The following SLC24A2 variants were observed in gnomAD, a reference collection of about 807,000 sequenced individuals.
SLC24A2 encodes the protein sodium/potassium/calcium exchanger 2.
Under a neutral mutation model 62.0 loss-of-function variants are expected in SLC24A2, and 36 were observed. The observed-to-expected ratio is 0.58, with a 90% CI of 0.44 to 0.77. The LOEUF is 0.77. Ranked by LOEUF, SLC24A2 falls within the 30% of genes least tolerant of loss-of-function variation. The pLI, the probability that SLC24A2 is intolerant of heterozygous loss-of-function variation, is 0.00. For synonymous variants in SLC24A2, 358 were observed against 294.0 expected (o/e 1.22, Z -2.23); for missense variants, 846 against 817.9 (o/e 1.03, Z -0.42).
At chr9:20,172,242 A>G in the SLC24A2 span, among the ~76,000 whole-genome samples, 3 of 152,098 alleles carry the variant, frequency 2.0e-5, no homozygotes, top group Admixed American at 6.6e-5. Flanking sequence ...AAATGCCTAC[A>G]TCAAAAAGTC....
the SLC24A2 span, among the ~76,000 whole-genome samples, chr9:20,156,248 A>T: frequency 6.6e-6 from 1 of 151,796 alleles, no homozygotes; most frequent in Admixed American, 6.6e-5. Flanking sequence ...TATAGACTCT[A>T]AGTATTCCTA....
the SLC24A2 span, among the ~76,000 whole-genome samples, chr9:20,005,861 C>G: frequency 8.4e-6 from 1 of 119,160 alleles, no homozygotes; most frequent in East Asian, 2.0e-4. Context: ...ATTCCCTACT[C>G]CATTAAAAAA....
At chr9:19,522,870 T>C (rs914185733) in intron 9 of SLC24A2, among the ~76,000 whole-genome samples, 2 of 152,206 alleles carry the variant, frequency 1.3e-5, no homozygotes, top group African/African-American at 4.8e-5. Flanking sequence ...TTGAGCAAAA[T>C]ATTCTCAAAT....
chr9:19,531,548 C>G (rs1038563409), intron 8 of SLC24A2, among the ~76,000 whole-genome samples: 2 of 152,164 alleles, frequency 1.3e-5, no homozygotes, highest in African/African-American at 2.4e-5. Flanking sequence ...TTTGGTACAT[C>G]AGAGTGATAT....
the SLC24A2 span, among the ~76,000 whole-genome samples, chr9:19,801,158 C>G: frequency 1.3e-5 from 2 of 152,208 alleles, no homozygotes; most frequent in African/African-American, 4.8e-5. Flanking sequence ...GGTTCTTGGC[C>G]TCAGATATTC....
At chr9:20,116,317 T>G in the SLC24A2 span, among the ~76,000 whole-genome samples, 15 of 152,116 alleles carry the variant, frequency 9.9e-5, no homozygotes, top group African/African-American at 3.6e-4. Context: ...ATCTTCCTCT[T>G]CTCTGAATGC....
At chr9:19,896,002 T>A in the SLC24A2 span, 4 of 1,560,614 alleles carry the variant, frequency 2.6e-6, no homozygotes, top group Non-Finnish European at 3.5e-6. Context: ...TGCCTCAGTG[T>A]GACGGCAGGG....
At chr9:20,286,327 G>T in the SLC24A2 span, among the ~76,000 whole-genome samples, 1 of 152,206 alleles carries the variant, frequency 6.6e-6, no homozygotes, top group Non-Finnish European at 1.5e-5. Flanking sequence ...TCAGGGAGAT[G>T]ATGTGGCAGC....
the SLC24A2 span, among the ~76,000 whole-genome samples, chr9:19,854,934 T>G: frequency 6.6e-6 from 1 of 152,234 alleles, no homozygotes; most frequent in African/African-American, 2.4e-5. Flanking sequence ...TGAGTCTCTT[T>G]GCAGGTCTCT....
the SLC24A2 span, among the ~76,000 whole-genome samples, chr9:19,813,461 G>A: frequency 6.6e-6 from 1 of 151,610 alleles, no homozygotes; most frequent in African/African-American, 2.4e-5. Context: ...GGGACTACAG[G>A]CGCACACCAC....
chr9:19,694,021 C>G lies in SLC24A2; in HGVS notation c.931-71722G>C, dbSNP rs140259698. Among the ~76,000 whole-genome samples the G allele has an allele frequency of 2.3e-3, 342 of 151,962 alleles. 1 individual carries two copies. The highest frequency in any genetic ancestry group is 3.6e-3 in the Non-Finnish European group (246 of 67,948). The stretch of plus-strand genomic sequence containing the variant: ...CTCTTCAAATTATAATTTTCAAATT[C>G]TCACTGCTAAGACAAAATTAATTAG... On this transcript the variant is annotated intron_variant, in intron 2 of 10. Transcript: ENST00000341998.
chr9:20,178,260 T>C, the SLC24A2 span, among the ~76,000 whole-genome samples: 3 of 152,270 alleles, frequency 2.0e-5, no homozygotes, highest in African/African-American at 7.2e-5. Context: ...TAAAAGACAG[T>C]AAGTCATGGT....
intron 2 of SLC24A2, among the ~76,000 whole-genome samples, chr9:19,658,289 G>A (rs1818998850): frequency 6.6e-6 from 1 of 152,040 alleles, no homozygotes; most frequent in Non-Finnish European, 1.5e-5. Context: ...AAGTGGTGGT[G>A]GGGAAGCTGG....
rs1235400961 is a variant in SLC24A2, at chr9:19,510,938, T to G, written c.*5215A>C. On this transcript the variant is annotated 3_prime_UTR_variant, in exon 11 of 11. Coordinates refer to ENST00000341998, the MANE Select transcript of SLC24A2 (RefSeq NM_020344.4). ...CTTAAGAAATCTGTCCCTAGCCATA[T>G]TAAGGGCCTCTGTGGAGTTTGGGTG... 1 of 152,222 alleles carries G rather than the reference T, an allele frequency of 6.6e-6. No homozygotes were observed. Among genetic ancestry groups the G allele is most frequent in the African/African-American group, 2.4e-5 (1 of 41,448 alleles). 9.4% of individuals were successfully genotyped at this position (152,222 alleles called of 1,614,324 possible).
rs759265847 is a variant in SLC24A2, at chr9:19,550,194, C to G, written c.1422G>C (p.Leu474=). 2.5e-6 allele frequency: 4 copies of G among 1,614,122 alleles called. No homozygotes were observed. Among genetic ancestry groups the G allele is most frequent in the Admixed American group, 1.7e-5 (1 of 60,024 alleles). ...PSETRKQVTF[L]IVFPIVFPLW... ...GAGGAAACACTATGGGGAAAACAAT[C>G]AGAAACGTGACTTGCTTGCGGGTTT... The change falls in exon 8 of 11, where the codon CTG becomes CTC. Residue 474 remains leucine, a synonymous_variant. Transcript: ENST00000341998.
At chr9:19,961,870 A>C in the SLC24A2 span, among the ~76,000 whole-genome samples, 1 of 152,214 alleles carries the variant, frequency 6.6e-6, no homozygotes, top group Non-Finnish European at 1.5e-5. Context: ...GTGAACTTGG[A>C]AACTGATCCT....
the SLC24A2 span, among the ~76,000 whole-genome samples, chr9:20,121,642 T>A: frequency 2.0e-5 from 3 of 152,278 alleles, no homozygotes; most frequent in East Asian, 5.8e-4. Context: ...ATGTCCATTT[T>A]TTCCAGCAAA....
At chr9:20,254,294 T>C in the SLC24A2 span, among the ~76,000 whole-genome samples, 7 of 152,328 alleles carry the variant, frequency 4.6e-5, no homozygotes, top group Admixed American at 3.9e-4. Context: ...ACTCCACTTG[T>C]TCATCAAGCT....
the SLC24A2 span, among the ~76,000 whole-genome samples, chr9:19,831,165 T>A: frequency 6.6e-6 from 1 of 152,332 alleles, no homozygotes; most frequent in East Asian, 1.9e-4. Context: ...TACTATTGCA[T>A]TGGGGATTAA....
Sources: gnomAD v4.1 joint callset for allele counts (sites outside exome capture counted in the v4.1 genomes callset) on GRCh38, gnomAD v4.1.1 for gene constraint, MANE v1.5 for transcripts, NCBI Gene and HGNC (gene_info 2026-07-23, HGNC 2026-07-21) for gene names.